The following ABCC6 variants were observed in gnomAD, a reference collection of about 807,000 sequenced individuals.
ABCC6 encodes ATP-binding cassette sub-family C member 6.
A neutral mutation model predicts 169.5 loss-of-function variants in ABCC6; 126 were observed. That is an observed-to-expected ratio of 0.74 (90% CI 0.64 to 0.86). ABCC6 has a LOEUF of 0.86. ABCC6 is among the 40% of genes least tolerant of loss of function. The pLI is 0.00. For missense variants in ABCC6, 1,733 were observed against 1,927.2 expected (o/e 0.90, Z 1.89); for synonymous variants, 752 against 814.7 (o/e 0.92, Z 1.31).
chr16:16,169,873 G>A lies in ABCC6; in HGVS notation c.2788-20C>T. 1 of 1,550,016 alleles carries A rather than the reference G, an allele frequency of 6.5e-7. No individual in the cohort carries two copies. Among genetic ancestry groups the A allele is most frequent in the Non-Finnish European group, 8.7e-7 (1 of 1,146,918 alleles). On this transcript the variant is annotated intron_variant, in intron 21 of 30. Coordinates refer to ENST00000205557, the MANE Select transcript of ABCC6 (RefSeq NM_001171.6). ...CTTCACCTGTAGCACACATGAGGGA[G>A]AGGGAGGCAGAGAGAGCCCCCAGTG...
chr16:16,169,963 C>T (rs1186986331), intron 21 of ABCC6, 110 bp from the exon 22 acceptor site: 5 of 1,120,470 alleles, frequency 4.5e-6, no homozygotes, highest in Middle Eastern at 2.8e-4. Context: ...CAGATGGGAC[C>T]ACCACGCAGA....
intron 11 of ABCC6, among the ~76,000 whole-genome samples, chr16:16,191,042 G>A (rs1285470432): frequency 1.3e-5 from 2 of 149,514 alleles, no homozygotes; most frequent in Non-Finnish European, 3.0e-5. Context: ...GCACTTTAAA[G>A]TCAGGCAGAA....
At chr16:16,206,262 A>G (rs1350116745) in intron 7 of ABCC6, among the ~76,000 whole-genome samples, 2 of 151,866 alleles carry the variant, frequency 1.3e-5, no homozygotes, top group Non-Finnish European at 2.9e-5. Context: ...GATCTCACAA[A>G]TGATGGTGGG....
intron 14 of ABCC6, 81 bp from the exon 15 acceptor site, chr16:16,185,115 C>G: frequency 1.5e-6 from 2 of 1,305,864 alleles, no homozygotes; most frequent in Non-Finnish European, 2.2e-6. Context: ...GGCACCATCC[C>G]CCGCCCCCCC....
chr16:16,173,117 A>C (rs1345874338), intron 21 of ABCC6, 167 bp downstream of exon 21: 2 of 768,496 alleles, frequency 2.6e-6, no homozygotes, highest in Non-Finnish European at 4.2e-6. Flanking sequence ...TCTATTTTTT[A>C]GGGTGGTTGT....
chr16:16,176,136 T>G (rs1173377730), intron 19 of ABCC6, 150 bp from the exon 20 acceptor site: 2 of 745,132 alleles, frequency 2.7e-6, no homozygotes, highest in African/African-American at 1.7e-5. Context: ...CACCCCACTC[T>G]GAGTTCTTCC....
At chr16:16,185,118 G>GC (rs55685226) in intron 14 of ABCC6, 84 bp from the exon 15 acceptor site, 1,060 of 1,176,702 alleles carry the variant, frequency 9.0e-4, no homozygotes, top group Non-Finnish European at 1.0e-3. Context: ...ACCATCCCCC[G>GC]CCCCCCCCAG....
chr16:16,214,336 G>A lies in ABCC6; in HGVS notation c.588C>T (p.Asp196=), dbSNP rs1166730507. Residue 196 remains aspartate (D), a synonymous_variant, in exon 5 of 31, where the codon GAC becomes GAT. Transcript: ENST00000205557. ...CTTGGTGACTTACAGACTGCTGGGG[G>A]TCTTCAGGGAAGAAGGGGGGTTGAT... ...LADQPPFFPE[D]PQQSNPCPET... 6.4e-7 allele frequency: 1 copy of A among 1,550,724 alleles called. No homozygotes were observed. The highest frequency in any genetic ancestry group is 1.2e-5 in the South Asian group (1 of 84,052).
At position 16,175,916 on chromosome 16, in the gene ABCC6, G is replaced by A. The variant is rs376958386; in HGVS notation, c.2661C>T (p.Arg887=). 1.2e-5 allele frequency: 19 copies of A among 1,613,958 alleles called. No homozygotes were observed. Among genetic ancestry groups the A allele is most frequent in the African/African-American group, 2.7e-5 (2 of 74,886 alleles). The change falls in exon 20 of 31, where the codon CGC becomes CGT. Residue 887 remains arginine (R), a synonymous_variant. Transcript: ENST00000205557. The part of the protein sequence containing the change: ...TSAGRRPELR[R]ERSIKSVPEK... ...TGGCACCATGGTGGACTCACCTCTC[G>A]CGTCTAAGCTCGGGCCTCCTGCCTG...
At chr16:16,160,329 T>C (rs1019230051) in intron 25 of ABCC6, among the ~76,000 whole-genome samples, 1 of 152,136 alleles carries the variant, frequency 6.6e-6, no homozygotes, top group Non-Finnish European at 1.5e-5. Flanking sequence ...TTGTGGGCAG[T>C]ATTAAGTGAG....
intron 29 of ABCC6, among the ~76,000 whole-genome samples, chr16:16,153,291 G>A (rs1232659715): frequency 1.3e-5 from 2 of 152,172 alleles, no homozygotes; most frequent in Non-Finnish European, 2.9e-5. Context: ...AACAGCCTGG[G>A]TATCTACTGG....
At position 16,158,455 on chromosome 16, in the gene ABCC6, A is replaced by ATCCATCCC. The variant is rs149907344; in HGVS notation, c.3736-647_3736-646insGGGATGGA. Among the ~76,000 whole-genome samples, 269 of 151,582 alleles carry ATCCATCCC rather than the reference A, an allele frequency of 1.8e-3. 1 individual carries two copies. Among genetic ancestry groups the ATCCATCCC allele is most frequent in the Admixed American group, 9.8e-3 (149 of 15,202 alleles). On this transcript the variant is annotated intron_variant, in intron 26 of 30. Coordinates refer to ENST00000205557, the MANE Select transcript of ABCC6 (RefSeq NM_001171.6). ...CATCCATCCATGCATCCATCCATCC[A>ATCCATCCC]TCTCCAATCCCATCCCTCCATCTCT...
In ABCC6 at chr16:16,202,179, C is replaced by T. The variant is rs1193846383; in HGVS notation, c.999-1G>A. ...ATCACCAATAAACTCCAGGAAAAGG[C>T]TTGCAGGGGAAGGAGGGAGAAGGTA... On this transcript the variant is annotated splice_acceptor_variant, in intron 8 of 30. Transcript: ENST00000205557. LOFTEE classifies it high-confidence loss of function. The T allele has an allele frequency of 1.2e-6, 2 of 1,610,846 alleles. No homozygotes were observed. The highest frequency in any genetic ancestry group is 1.7e-6 in the Non-Finnish European group (2 of 1,178,478).
chr16:16,195,208 C>T (rs963789835), intron 10 of ABCC6, among the ~76,000 whole-genome samples: 8 of 151,600 alleles, frequency 5.3e-5, no homozygotes, highest in Non-Finnish European at 8.8e-5. Context: ...CAAGACCTCA[C>T]GGTGATGTTA....
In ABCC6 at chr16:16,155,456, T is replaced by A. The variant is rs1042814316; in HGVS notation, c.3883-425A>T. On this transcript the variant is annotated intron_variant, in intron 27 of 30. Coordinates refer to ENST00000205557, the MANE Select transcript of ABCC6 (RefSeq NM_001171.6). ...CCATCCTCAATCCCATCCCTCCATCTCTCTTCCACCCCATTCCATTCATCC... is the reference window on the plus strand; with the variant it reads ...CCATCCTCAATCCCATCCCTCCATCACTCTTCCACCCCATTCCATTCATCC... 9 of 236,498 alleles carry A rather than the reference T, an allele frequency of 3.8e-5. No homozygotes were observed. The South Asian group carries it at 7.1e-4, about 19-fold the overall frequency. 14.6% of individuals were successfully genotyped at this position (236,498 alleles called of 1,614,324 possible). A position where few individuals can be genotyped will look rare whatever the true frequency, so the allele number is the denominator to read the frequency against.
At chr16:16,168,689 A>G (rs1259432123) in intron 22 of ABCC6, among the ~76,000 whole-genome samples, 3 of 152,106 alleles carry the variant, frequency 2.0e-5, no homozygotes, top group African/African-American at 7.2e-5. Flanking sequence ...CTCAACTGTC[A>G]ACCATCGTGA....
Position 16,177,614 on chromosome 16 carries a change from C to T in ABCC6, c.2428G>A (p.Val810Met), listed in dbSNP as rs72653795. ...GGCAGGATGTGGAGTGCGTGCGTCA[C>T]GAGAATCCGTGTCTGGGCAGGGAAG... ...GLLQGTTRILVTHALHILPQA... is the reference protein window; with the variant it reads ...GLLQGTTRILMTHALHILPQA... The change falls in exon 19 of 31, where the codon GTG becomes ATG. Residue 810 changes from valine (V) to methionine (M), a missense_variant. This residue lies in a region of ABCC6 where 1,601 missense variants were observed against 1,635.5 expected (regional missense o/e 0.98). Transcript: ENST00000205557. 4.8e-5 allele frequency: 77 copies of T among 1,614,052 alleles called. No homozygotes were observed. The highest frequency in any genetic ancestry group is 2.2e-4 in the South Asian group (20 of 91,090).
At chr16:16,159,296 T>C (rs1273961273) in intron 26 of ABCC6, among the ~76,000 whole-genome samples, 186 bp downstream of exon 26, 4 of 152,158 alleles carry the variant, frequency 2.6e-5, no homozygotes, top group Non-Finnish European at 4.4e-5. Flanking sequence ...TTGGCCTGGC[T>C]CCAAACCTTA....
intron 29 of ABCC6, among the ~76,000 whole-genome samples, chr16:16,152,600 T>C (rs1355879628): frequency 6.6e-6 from 1 of 151,996 alleles, no homozygotes; most frequent in Non-Finnish European, 1.5e-5. Context: ...AACAACTTTG[T>C]GCATATAATT....
Sources: gnomAD v4.1 joint callset for allele counts (sites outside exome capture counted in the v4.1 genomes callset) on GRCh38, gnomAD v4.1.1 for gene constraint, gnomAD v4.1.1 regional missense constraint, MANE v1.5 for transcripts, NCBI Gene and HGNC (gene_info 2026-07-23, HGNC 2026-07-21) for gene names.